Variants in FAT3 observed in about 807,000 individuals in gnomAD.
FAT3 encodes protocadherin Fat 3.
A neutral mutation model predicts 310.2 loss-of-function variants in FAT3; 95 were observed. The ratio of observed to expected loss-of-function variants is 0.31; its 90% CI spans 0.26 to 0.36. The LOEUF (loss-of-function observed/expected upper bound fraction) is 0.36. Ranked by LOEUF, FAT3 falls within the 10% of genes least tolerant of loss-of-function variation. FAT3 has a pLI of 1.00. For missense variants in FAT3, 5,408 were observed against 5,715.6 expected, an observed-to-expected ratio of 0.95 and a Z score of 1.74; for synonymous variants, 2,314 against 2,192.9, an observed-to-expected ratio of 1.06 and a Z score of -1.54.
chr11:92,440,396 G>C (rs1204539435), intron 2 of FAT3, among the ~76,000 whole-genome samples: 5 of 152,158 alleles, frequency 3.3e-5, no homozygotes, highest in Non-Finnish European at 5.9e-5. Flanking sequence ...CCCAACCAAG[G>C]GGCAAGAAAG....
intron 3 of FAT3, among the ~76,000 whole-genome samples, chr11:92,597,292 G>A (rs1209103872): frequency 1.3e-5 from 2 of 152,160 alleles, no homozygotes; most frequent in Non-Finnish European, 2.9e-5. Context: ...CCTTACAAGT[G>A]ACAGGCATTT....
intron 3 of FAT3, among the ~76,000 whole-genome samples, chr11:92,668,645 C>T (rs192233903): frequency 6.6e-6 from 1 of 152,176 alleles, no homozygotes; most frequent in African/African-American, 2.4e-5. Context: ...AAAAATAATA[C>T]CTTCCTGCAG....
chr11:92,252,508 G>A (rs555216403), intron 1 of FAT3, among the ~76,000 whole-genome samples: 31 of 152,012 alleles, frequency 2.0e-4, no homozygotes, highest in Admixed American at 2.6e-4. Context: ...CTATGCTTAC[G>A]GTTCTTTGAG....
In FAT3 at chr11:92,315,506, T is replaced by TAG. The variant is rs1947426429; in HGVS notation, c.-17-36589_-17-36588insGA. Among the ~76,000 whole-genome samples, 124 of 86,576 alleles carry TAG rather than the reference T, an allele frequency of 1.4e-3. 1 individual carries two copies. Among genetic ancestry groups the TAG allele is most frequent in the Middle Eastern group, 5.8e-3 (1 of 172 alleles). The allele number at this position is 86,576 out of a possible 152,430, so 56.8% of individuals were successfully genotyped here. A position where few individuals can be genotyped will look rare whatever the true frequency, so the allele number is the denominator to read the frequency against. On this transcript the variant is annotated intron_variant, in intron 1 of 27. Coordinates refer to ENST00000525166, the MANE Select transcript of FAT3 (RefSeq NM_001367949.2). ...ATATATATATATATATATATATATATATATATAGAGAGAGAGAGAGAGAGA... is the reference window on the plus strand; with the variant it reads ...ATATATATATATATATATATATATATAGATATATAGAGAGAGAGAGAGAGAGA...
intron 1 of FAT3, among the ~76,000 whole-genome samples, chr11:92,302,351 G>A (rs1237534556): frequency 1.3e-5 from 2 of 151,814 alleles, no homozygotes; most frequent in Non-Finnish European, 2.9e-5. Flanking sequence ...AGCTAGACTA[G>A]CATTTAGTCA....
intron 1 of FAT3, among the ~76,000 whole-genome samples, chr11:92,251,603 TATTA>T (rs1482050364): frequency 9.9e-5 from 15 of 152,174 alleles, no homozygotes; most frequent in Non-Finnish European, 5.9e-5. Flanking sequence ...TTTATTTTAG[TATTA>T]ATTAAAGTAG....
intron 4 of FAT3, among the ~76,000 whole-genome samples, chr11:92,728,974 C>T (rs1396919124): frequency 6.6e-6 from 1 of 152,152 alleles, no homozygotes; most frequent in Non-Finnish European, 1.5e-5. Flanking sequence ...CTGACATTTA[C>T]AGGTTCTAGA....
At position 92,790,173 on chromosome 11, in the gene FAT3, G is replaced by C; in HGVS notation, c.4566G>C (p.Glu1522Asp). The C allele has an allele frequency of 1.9e-6, 3 of 1,613,750 alleles. No individual in the cohort carries two copies. Among genetic ancestry groups the C allele is most frequent in the Non-Finnish European group, 2.5e-6 (3 of 1,179,690 alleles). The change falls in exon 8 of 28, where the codon GAG (glutamate) becomes GAC (aspartate). Residue 1522 changes from glutamate to aspartate, a missense_variant. Physicochemically the swap from Glu to Asp is conservative, Grantham distance 45. Around this residue, in one of 5 missense-constraint regions of FAT3, gnomAD observed 4,588 missense variants for 4,809.8 expected, o/e 0.95. Transcript: ENST00000525166. ...GCACTGGCGTGCTCTATACTGCCGAGAGGCTGGACCATGAGGCCCAGGACA... is the reference window on the plus strand; with the variant it reads ...GCACTGGCGTGCTCTATACTGCCGACAGGCTGGACCATGAGGCCCAGGACA... ...DPSTGVLYTA[E>D]RLDHEAQDKH...
chr11:92,780,623 G>A (rs1946721823), intron 7 of FAT3, among the ~76,000 whole-genome samples: 1 of 152,132 alleles, frequency 6.6e-6, no homozygotes, highest in South Asian at 2.1e-4. Context: ...ACTACACAAT[G>A]CTGTCTCTTA....
chr11:92,886,328 G>GGTGTGT (rs143452563), intron 24 of FAT3, among the ~76,000 whole-genome samples: 13,897 of 150,458 alleles, frequency 0.092, 722 homozygotes, highest in East Asian at 0.14. Flanking sequence ...AAGTAGCCCT[G>GGTGTGT]GTGTGTGTGT....
At chr11:92,310,175 T>C (rs922130403) in intron 1 of FAT3, among the ~76,000 whole-genome samples, 1 of 152,166 alleles carries the variant, frequency 6.6e-6, no homozygotes, top group African/African-American at 2.4e-5. Flanking sequence ...ACTGTGGGAA[T>C]AGGAGTTGTG....
intron 6 of FAT3, among the ~76,000 whole-genome samples, chr11:92,767,969 C>A (rs1946359965): frequency 6.6e-6 from 1 of 152,098 alleles, no homozygotes; most frequent in Non-Finnish European, 1.5e-5. Flanking sequence ...ACACTATGCA[C>A]CTTTGACAAA....
intron 1 of FAT3, among the ~76,000 whole-genome samples, chr11:92,255,343 A>T (rs576069907): frequency 9.2e-4 from 129 of 140,960 alleles, no homozygotes; most frequent in Middle Eastern, 3.6e-3. Flanking sequence ...TTTTTTTTTA[A>T]AAAAAAAAAA....
At chr11:92,235,671 C>A (rs1049471718) in intron 1 of FAT3, among the ~76,000 whole-genome samples, 3 of 152,164 alleles carry the variant, frequency 2.0e-5, no homozygotes, top group African/African-American at 7.2e-5. Flanking sequence ...ATTAAGACTG[C>A]GTTATGATTC....
intron 3 of FAT3, among the ~76,000 whole-genome samples, chr11:92,605,502 A>G (rs2511283): frequency 0.52 from 79,075 of 151,956 alleles, 21,156 homozygotes; most frequent in African/African-American, 0.62. Context: ...AAAGGTCCTT[A>G]TATAAGCATA....
At chr11:92,334,178 T>G (rs1403101596) in intron 1 of FAT3, among the ~76,000 whole-genome samples, 1 of 151,902 alleles carries the variant, frequency 6.6e-6, no homozygotes, top group Admixed American at 6.6e-5. Context: ...GAGTTTGAGA[T>G]CAGCCTGGGC....
At chr11:92,475,487 T>G (rs1193951615) in intron 2 of FAT3, among the ~76,000 whole-genome samples, 2 of 152,008 alleles carry the variant, frequency 1.3e-5, no homozygotes, top group African/African-American at 2.4e-5. Context: ...AACCTACATA[T>G]GCTGTGAAAA....
At chr11:92,382,311 G>A (rs1949514125) in intron 2 of FAT3, among the ~76,000 whole-genome samples, 1 of 152,096 alleles carries the variant, frequency 6.6e-6, no homozygotes, top group Admixed American at 6.5e-5. Flanking sequence ...TCCTAGTGGG[G>A]GGTCAGCTGG....
intron 2 of FAT3, among the ~76,000 whole-genome samples, chr11:92,475,939 C>T (rs72972481): frequency 3.6e-4 from 54 of 151,998 alleles, no homozygotes; most frequent in Admixed American, 8.5e-4. Context: ...AATTAAAGAC[C>T]GAAGGTTAAT....
Sources: gnomAD v4.1 joint callset for allele counts (sites outside exome capture counted in the v4.1 genomes callset) on GRCh38, gnomAD v4.1.1 for gene constraint, gnomAD v4.1.1 regional missense constraint, MANE v1.5 for transcripts, NCBI Gene and HGNC (gene_info 2026-07-23, HGNC 2026-07-21) for gene names.